The following RASSF8 variants were observed in gnomAD, a reference collection of about 807,000 sequenced individuals.
RASSF8 encodes ras association domain-containing protein 8.
A neutral mutation model predicts 48.5 loss-of-function variants in RASSF8; 22 were observed. The ratio of observed to expected loss-of-function variants is 0.45; its 90% CI spans 0.32 to 0.65. The LOEUF is 0.65. RASSF8 is among the 30% of genes least tolerant of loss of function. The pLI is 0.03. For synonymous variants in RASSF8, 127 were observed against 171.5 expected (o/e 0.74, Z 2.03); for missense variants, 418 against 489.2 (o/e 0.85, Z 1.37).
At chr12:26,034,065 G>C (rs1943080806) in intron 2 of RASSF8, among the ~76,000 whole-genome samples, 1 of 152,086 alleles carries the variant, frequency 6.6e-6, no homozygotes, top group Non-Finnish European at 1.5e-5. Flanking sequence ...TGGGGAGAAA[G>C]ATGTTCCAAG....
intron 5 of RASSF8, among the ~76,000 whole-genome samples, chr12:26,067,973 A>G (rs1353957551): frequency 6.6e-6 from 1 of 151,946 alleles, no homozygotes; most frequent in African/African-American, 2.4e-5. Flanking sequence ...GTTTCATCAT[A>G]TTGCCCAGAC....
At chr12:25,999,827 G>C (rs1942214478) in intron 2 of RASSF8, among the ~76,000 whole-genome samples, 1 of 152,096 alleles carries the variant, frequency 6.6e-6, no homozygotes, top group African/African-American at 2.4e-5. Context: ...AAAAGTATGA[G>C]GAAAAAAGCC....
rs2669556 is a variant in RASSF8 at position 26,000,611 on chromosome 12, G to A, written c.-109+5481G>A. Among the ~76,000 whole-genome samples the A allele has an allele frequency of 8.8e-3, 1,346 of 152,192 alleles. 18 individuals carry two copies. Among genetic ancestry groups the A allele is most frequent in the African/African-American group, 0.031 (1,276 of 41,504 alleles). ...TGTTGGGGTGCGAAAATTATAGAGT[G>A]TACTTCTACAAACCTAGATGGTATA... is the stretch of plus-strand genomic sequence containing the variant. On this transcript the variant is annotated intron_variant, in intron 2 of 5. Coordinates refer to ENST00000689635, the MANE Select transcript of RASSF8 (RefSeq NM_001394098.1).
At chr12:25,962,239 G>A (rs930066668) in intron 1 of RASSF8, among the ~76,000 whole-genome samples, 2 of 152,100 alleles carry the variant, frequency 1.3e-5, no homozygotes, top group Non-Finnish European at 2.9e-5. Context: ...ACTAGCCTCA[G>A]GCCTGTGGCT....
rs191519125 is a variant in RASSF8, at chr12:26,060,149, G to A, written c.104-4349G>A. 4.6e-3 allele frequency among the ~76,000 whole-genome samples: 698 copies of A among 151,678 alleles called. 5 individuals carry two copies. Among genetic ancestry groups the A allele is most frequent in the Admixed American group, 9.8e-3 (149 of 15,274 alleles). On this transcript the variant is annotated intron_variant, in intron 3 of 5. Coordinates refer to ENST00000689635, the MANE Select transcript of RASSF8 (RefSeq NM_001394098.1). Reference sequence around the variant, plus strand: ...CCTGACCTCGTGATCTGCCCGCCTCGGCCTCCCAAAGTGCTGGGATTACAG... The same window carrying A: ...CCTGACCTCGTGATCTGCCCGCCTCAGCCTCCCAAAGTGCTGGGATTACAG...
intron 2 of RASSF8, among the ~76,000 whole-genome samples, chr12:26,043,212 C>CA (rs1177676999): frequency 1.3e-5 from 2 of 152,080 alleles, no homozygotes; most frequent in African/African-American, 2.4e-5. Context: ...ACCTCCACAC[C>CA]AAAAAACTGG....
At chr12:26,073,714 GAAC>G (rs1944039047), downstream of RASSF8, among the ~76,000 whole-genome samples, 1 of 143,090 alleles carries the variant, frequency 7.0e-6, no homozygotes, top group Non-Finnish European at 1.5e-5. Context: ...ATTCCAGCCT[GAAC>G]AACAAAAGCG....
intron 2 of RASSF8, among the ~76,000 whole-genome samples, chr12:26,038,120 G>C (rs1409077396): frequency 6.6e-6 from 1 of 152,162 alleles, no homozygotes; most frequent in Non-Finnish European, 1.5e-5. Flanking sequence ...TGCACGTGTT[G>C]TGTATGCTTT....
At chr12:26,027,786 C>T (rs1315915553) in intron 2 of RASSF8, among the ~76,000 whole-genome samples, 2 of 152,114 alleles carry the variant, frequency 1.3e-5, no homozygotes, top group African/African-American at 4.8e-5. Context: ...ACTTTGGTCA[C>T]CTAGGGAGAG....
At chr12:26,041,969 G>A (rs1943274858) in intron 2 of RASSF8, among the ~76,000 whole-genome samples, 1 of 152,094 alleles carries the variant, frequency 6.6e-6, no homozygotes. Context: ...TTTTATTTAT[G>A]GCAGAATCAT....
downstream of RASSF8, among the ~76,000 whole-genome samples, chr12:26,076,380 A>T (rs1944073208): frequency 6.6e-6 from 1 of 152,012 alleles, no homozygotes; most frequent in African/African-American, 2.4e-5. Flanking sequence ...CTCGTCATTT[A>T]CATTGGGCAT....
chr12:26,021,077 C>G (rs1328620720), intron 2 of RASSF8, among the ~76,000 whole-genome samples: 1 of 152,092 alleles, frequency 6.6e-6, no homozygotes, highest in Non-Finnish European at 1.5e-5. Flanking sequence ...TTCCTTCTTT[C>G]TATACCTAAA....
intron 1 of RASSF8, among the ~76,000 whole-genome samples, chr12:25,982,375 A>G (rs1252156397): frequency 6.6e-6 from 1 of 152,214 alleles, no homozygotes; most frequent in Non-Finnish European, 1.5e-5. Context: ...AAAAAGACAT[A>G]ATGGTTTTAG....
chr12:25,983,733 T>C (rs557670606), intron 1 of RASSF8, among the ~76,000 whole-genome samples: 1 of 151,880 alleles, frequency 6.6e-6, no homozygotes, highest in Non-Finnish European at 1.5e-5. Context: ...AAAACATGGA[T>C]TGTAGAAAGC....
exon 6 of RASSF8, chr12:26,079,084 A>G (rs368276847): frequency 2.0e-4 from 304 of 1,539,718 alleles, no homozygotes; most frequent in Admixed American, 4.6e-4. Context: ...ATATCACACC[A>G]AAAGCTCAGG....
chr12:26,055,358 A>T lies in RASSF8; in HGVS notation c.15A>T (p.Val5=), dbSNP rs150209310. MELK[V]WVDGVQRIVC... ...GCCGGTGCACCATGGAACTTAAAGT[A>T]TGGGTGGATGGAGTTCAGAGGATTG... Residue 5 remains valine, a synonymous_variant, in exon 3 of 6, where the codon GTA becomes GTT. Transcript: ENST00000689635. The T allele has an allele frequency of 6.0e-5, 97 of 1,614,018 alleles. No individual in the cohort carries two copies. The highest frequency in any genetic ancestry group is 7.8e-5 in the Non-Finnish European group (92 of 1,179,904).
Position 26,064,700 on chromosome 12 carries a change from C to T in RASSF8, c.306C>T (p.Tyr102=). 6.2e-7 allele frequency: 1 copy of T among 1,614,108 alleles called. No homozygotes were observed. The highest frequency in any genetic ancestry group is 8.5e-7 in the Non-Finnish European group (1 of 1,179,986). Reference sequence around the variant, plus strand: ...CTCGAATTCCTGAAAGAACTTTATACAGGCAGAGTCTGCCCCCCTTAGCTA... The same window carrying T: ...CTCGAATTCCTGAAAGAACTTTATATAGGCAGAGTCTGCCCCCCTTAGCTA... ...SVARIPERTL[Y]RQSLPPLAKL... is the part of the protein sequence containing the mutation. Residue 102 remains tyrosine (Y), a synonymous_variant, in exon 4 of 6, where the codon TAC becomes TAT. Transcript: ENST00000689635.
At chr12:26,066,996 G>A (rs570632308) in intron 4 of RASSF8, among the ~76,000 whole-genome samples, 1 of 152,316 alleles carries the variant, frequency 6.6e-6, no homozygotes, top group South Asian at 2.1e-4. Flanking sequence ...TGGGAATCTT[G>A]CTTTCCTCAT....
rs1333153379 is a variant in RASSF8 at position 26,069,778 on chromosome 12, G to C, written c.*960G>C. On this transcript the variant is annotated 3_prime_UTR_variant, in exon 6 of 6. Coordinates refer to ENST00000689635, the MANE Select transcript of RASSF8 (RefSeq NM_001394098.1). ...ACCCGCTTCATATGTATGATCTGTT[G>C]GTGTACACACCATGGGTAAGGTATT... 3.0e-6 allele frequency: 3 copies of C among 984,922 alleles called. No individual in the cohort carries two copies. The East Asian group carries it at 3.4e-4, about 111-fold the overall frequency. 61.0% of individuals were successfully genotyped at this position (984,922 alleles called of 1,614,324 possible).
Sources: allele counts gnomAD v4.1 joint callset (sites outside exome capture counted in the v4.1 genomes callset), GRCh38; gene constraint gnomAD v4.1.1; transcripts MANE v1.5; gene names NCBI Gene and HGNC (gene_info 2026-07-23, HGNC 2026-07-21).